RCSD1: variants seen among roughly 807,000 people sequenced by gnomAD.
The protein encoded by RCSD1 is capZ-interacting protein.
Under a neutral mutation model 42.5 loss-of-function variants are expected in RCSD1, and 26 were observed. The observed-to-expected ratio is 0.61, with a 90% CI of 0.45 to 0.85. The LOEUF is 0.85. Ranked by LOEUF, RCSD1 falls within the 40% of genes least tolerant of loss-of-function variation. RCSD1 has a pLI of 0.00. For synonymous variants in RCSD1, 220 were observed against 212.2 expected (o/e 1.04, Z -0.32); for missense variants, 571 against 528.3 (o/e 1.08, Z -0.79).
At chr1:167,631,983 G>T (rs1355151930) in intron 1 of RCSD1, among the ~76,000 whole-genome samples, 1 of 152,254 alleles carries the variant, frequency 6.6e-6, no homozygotes, top group East Asian at 1.9e-4. Context: ...AGTCTAATAT[G>T]GACCCTCCAC....
At chr1:167,654,951 C>G (rs765229233) in intron 1 of RCSD1, among the ~76,000 whole-genome samples, 1 of 152,126 alleles carries the variant, frequency 6.6e-6, no homozygotes, top group Non-Finnish European at 1.5e-5. Context: ...CTCCTGAGTT[C>G]AGCTGGGTCC....
intron 1 of RCSD1, among the ~76,000 whole-genome samples, chr1:167,635,466 A>G (rs562848764): frequency 1.3e-5 from 2 of 152,286 alleles, no homozygotes; most frequent in East Asian, 3.9e-4. Flanking sequence ...GAGGGGGTGA[A>G]TGTGCATTCC....
intron 1 of RCSD1, among the ~76,000 whole-genome samples, chr1:167,673,719 T>C (rs1037096875): frequency 6.6e-6 from 1 of 152,220 alleles, no homozygotes; most frequent in Admixed American, 6.5e-5. Flanking sequence ...ACCTTTCTTT[T>C]TGCTTAGACC....
intron 1 of RCSD1, among the ~76,000 whole-genome samples, chr1:167,650,006 C>A (rs1262956178): frequency 6.6e-6 from 1 of 152,170 alleles, no homozygotes; most frequent in African/African-American, 2.4e-5. Context: ...GGAAGCTAGG[C>A]AGAGTGGCCA....
At chr1:167,682,326 C>T (rs1473811151) in intron 1 of RCSD1, among the ~76,000 whole-genome samples, 1 of 152,126 alleles carries the variant, frequency 6.6e-6, no homozygotes, top group Non-Finnish European at 1.5e-5. Flanking sequence ...CACACCACCA[C>T]ACCCGGCTAA....
Position 167,655,017 on chromosome 1 carries a change from G to T in RCSD1, c.6+24588G>T, listed in dbSNP as rs192845213. ...TGGGCCTGTCATTGCTGCACTTCAT[G>T]GCTCCCAGGGACTGACTTCCTGAGG... On this transcript the variant is annotated intron_variant, in intron 1 of 6. Transcript: ENST00000367854. Among the ~76,000 whole-genome samples, 19 of 152,212 alleles carry T rather than the reference G, an allele frequency of 1.2e-4. No homozygotes were observed. In the East Asian group the frequency reaches 3.7e-3, roughly 29 times the overall value.
chr1:167,682,876 T>C (rs542608968), intron 1 of RCSD1, among the ~76,000 whole-genome samples: 160 of 152,280 alleles, frequency 1.1e-3, no homozygotes, highest in African/African-American at 3.5e-3. Flanking sequence ...GAAGTCTGTG[T>C]AAGAAATGCT....
Position 167,707,209 on chromosome 1 carries a change from C to A in RCSD1, c.*2513C>A, listed in dbSNP as rs1324439538. 6.6e-6 allele frequency among the ~76,000 whole-genome samples: 1 copy of A among 152,236 alleles called. No homozygotes were observed. The highest frequency in any genetic ancestry group is 1.5e-5 in the Non-Finnish European group (1 of 68,050). ...TCAGTGGCCTCAGAACTCCAGGCCC[C>A]TCACGGAGATCACCCTGAACAATGC... On this transcript the variant is annotated 3_prime_UTR_variant, in exon 7 of 7. Transcript: ENST00000367854.
In RCSD1 at chr1:167,697,609, C is replaced by A. The variant is rs1456111763; in HGVS notation, c.985C>A (p.Pro329Thr). Residue 329 changes from proline (P) to threonine (T), a missense_variant, in exon 6 of 7, where the codon CCT (proline) becomes ACT (threonine). Physicochemically the swap from Pro to Thr is conservative, Grantham distance 38. Coordinates refer to ENST00000367854, the MANE Select transcript of RCSD1 (RefSeq NM_052862.4). ...GERVQNEEVG[P>T]EHDSQETKKL... ...GAGGGTGCAAAATGAAGAGGTGGGA[C>A]CTGAACATGACAGCCAAGAAACAAA... 6.2e-7 allele frequency: 1 copy of A among 1,607,450 alleles called. No individual in the cohort carries two copies. Among genetic ancestry groups the A allele is most frequent in the Non-Finnish European group, 8.5e-7 (1 of 1,177,164 alleles).
At chr1:167,681,079 C>T (rs1043784315) in intron 1 of RCSD1, among the ~76,000 whole-genome samples, 1 of 152,220 alleles carries the variant, frequency 6.6e-6, no homozygotes, top group African/African-American at 2.4e-5. Context: ...GAGCCACCAG[C>T]CCCGATTCAT....
In RCSD1 at chr1:167,683,756, T is replaced by C; in HGVS notation, c.7-144T>C. ...AATGTGATTGACCGAATTTTTTAAG[T>C]CCTTGAATGCAGGAGCCAGTTGGAT... On this transcript the variant is annotated intron_variant, in intron 1 of 6. Coordinates refer to ENST00000367854, the MANE Select transcript of RCSD1 (RefSeq NM_052862.4). The C allele has an allele frequency of 7.7e-6, 6 of 779,058 alleles. No homozygotes were observed. In the South Asian group the frequency reaches 8.3e-5, roughly 11 times the overall value. 48.3% of individuals were successfully genotyped at this position (779,058 alleles called of 1,614,324 possible). A position where few individuals can be genotyped will look rare whatever the true frequency, so the allele number is the denominator to read the frequency against.
At chr1:167,701,941 C>G (rs76446630) in intron 6 of RCSD1, among the ~76,000 whole-genome samples, 1 of 152,196 alleles carries the variant, frequency 6.6e-6, no homozygotes, top group East Asian at 1.9e-4. Flanking sequence ...CCTGGATCCC[C>G]CAGAGGCAGC....
chr1:167,678,921 C>T (rs917388236), intron 1 of RCSD1, among the ~76,000 whole-genome samples: 1 of 152,246 alleles, frequency 6.6e-6, no homozygotes, highest in South Asian at 2.1e-4. Context: ...CTCATGTGCT[C>T]TCTCTTCAGA....
intron 1 of RCSD1, among the ~76,000 whole-genome samples, chr1:167,647,912 CAACT>C (rs1658205625): frequency 6.6e-6 from 1 of 152,116 alleles, no homozygotes; most frequent in Non-Finnish European, 1.5e-5. Context: ...CATCTTAACA[CAACT>C]ATTTTCTTTT....
chr1:167,681,571 C>G (rs369273605), intron 1 of RCSD1, among the ~76,000 whole-genome samples: 3 of 152,292 alleles, frequency 2.0e-5, no homozygotes, highest in African/African-American at 7.2e-5. Context: ...CTTGCCAAGG[C>G]TAGTTTTGGG....
In RCSD1 at chr1:167,694,122, T is replaced by C. The variant is rs34466121; in HGVS notation, c.294T>C (p.Ala98=). ...AGGCCAATTTAACCTTTGACCCAGC[T>C]GCTCTACTGCCTGGGGCCTCACCCA... is the stretch of plus-strand genomic sequence containing the variant. ...KLQANLTFDP[A]ALLPGASPKS... is the part of the protein sequence containing the mutation. Residue 98 remains alanine (A), a synonymous_variant, in exon 5 of 7, where the codon GCT becomes GCC. Coordinates refer to ENST00000367854, the MANE Select transcript of RCSD1 (RefSeq NM_052862.4). 1,667 of 1,614,230 alleles carry C rather than the reference T, an allele frequency of 1.0e-3. 16 individuals carry two copies. The African/African-American group carries it at 0.018, about 17-fold the overall frequency.
chr1:167,698,838 C>T (rs1364448919), intron 6 of RCSD1, among the ~76,000 whole-genome samples: 1 of 151,060 alleles, frequency 6.6e-6, no homozygotes, highest in Non-Finnish European at 1.5e-5. Context: ...CTCGCTGTGT[C>T]GCCCAGGCTG....
chr1:167,703,805 T>G (rs960213104), intron 6 of RCSD1, among the ~76,000 whole-genome samples: 1 of 152,110 alleles, frequency 6.6e-6, no homozygotes, highest in Non-Finnish European at 1.5e-5. Flanking sequence ...CCTCACCCAC[T>G]CCCACAGCCT....
At chr1:167,637,268 G>T (rs1220153079) in intron 1 of RCSD1, among the ~76,000 whole-genome samples, 7 of 152,180 alleles carry the variant, frequency 4.6e-5, no homozygotes, top group Non-Finnish European at 5.9e-5. Flanking sequence ...ATTCCTGGAG[G>T]ATAAAGCAAG....
Sources: gnomAD v4.1 joint callset for allele counts (sites outside exome capture counted in the v4.1 genomes callset) on GRCh38, gnomAD v4.1.1 for gene constraint, MANE v1.5 for transcripts, NCBI Gene and HGNC (gene_info 2026-07-23, HGNC 2026-07-21) for gene names.